CWC27: variants seen among roughly 807,000 people sequenced by gnomAD.
The protein encoded by CWC27 is CWC27 spliceosome associated cyclophilin, also known as spliceosome-associated protein CWC27 homolog.
In CWC27, 47 loss-of-function variants were observed where a neutral mutation model predicts 63.6. The ratio of observed to expected loss-of-function variants is 0.74; its 90% confidence interval spans 0.58 to 0.94. The LOEUF (loss-of-function observed/expected upper bound fraction) is 0.94. CWC27 is among the 40% of genes least tolerant of loss of function. The pLI is 0.00. For synonymous variants in CWC27, 175 were observed against 179.8 expected (o/e 0.97, Z 0.22); for missense variants, 495 against 554.3 (o/e 0.89, Z 1.07).
At chr5:64,813,701 G>A (rs938438651) in intron 10 of CWC27, among the ~76,000 whole-genome samples, 1 of 152,086 alleles carries the variant, frequency 6.6e-6, no homozygotes. Context: ...TCTCTACCCC[G>A]GAACAAATAT....
chr5:64,789,069 C>G, intron 7 of CWC27, 49 bp downstream of exon 7: 3 of 1,275,584 alleles, frequency 2.4e-6, no homozygotes, highest in Non-Finnish European at 3.3e-6. Context: ...AGATTGGGGT[C>G]TATATCTTAC....
intron 11 of CWC27, among the ~76,000 whole-genome samples, chr5:64,959,985 A>G (rs1428053675): frequency 6.6e-6 from 1 of 152,226 alleles, no homozygotes; most frequent in Non-Finnish European, 1.5e-5. Flanking sequence ...GGAAAATTTG[A>G]TTAATTAAGG....
rs1007313345 is a variant in CWC27 at position 64,866,619 on chromosome 5, C to A, written c.939-18824C>A. 2.0e-5 allele frequency among the ~76,000 whole-genome samples: 3 copies of A among 152,062 alleles called. No homozygotes were observed. In the South Asian group the frequency reaches 6.2e-4, roughly 31 times the overall value. On this transcript the variant is annotated intron_variant, in intron 10 of 13. Coordinates refer to ENST00000381070, the MANE Select transcript of CWC27 (RefSeq NM_005869.4). ...TATGTTGGGCTGTCATTTCATTCAA[C>A]TCAGAGTACCTTGATTTCCCCGTGA... is the stretch of plus-strand genomic sequence containing the variant.
rs548735513 is a variant in CWC27, at chr5:64,823,540, C to T, written c.938+19154C>T. 2.4e-4 allele frequency among the ~76,000 whole-genome samples: 36 copies of T among 152,252 alleles called. No homozygotes were observed. The South Asian group carries it at 4.1e-3, about 18-fold the overall frequency. Reference sequence around the variant, plus strand: ...TTCATAAGCATCCTGGTTTTCCCACCTCCTACATCCCTCTGTTGGATACAG... The same window carrying T: ...TTCATAAGCATCCTGGTTTTCCCACTTCCTACATCCCTCTGTTGGATACAG... On this transcript the variant is annotated intron_variant, in intron 10 of 13. Transcript: ENST00000381070.
intron 11 of CWC27, among the ~76,000 whole-genome samples, chr5:64,934,610 A>G (rs1748306870): frequency 6.6e-6 from 1 of 152,200 alleles, no homozygotes; most frequent in Admixed American, 6.5e-5. Context: ...TCTGTTGGGT[A>G]TATACCCAGT....
At chr5:64,995,293 T>G (rs1289004480) in intron 13 of CWC27, among the ~76,000 whole-genome samples, 1 of 152,104 alleles carries the variant, frequency 6.6e-6, no homozygotes, top group Non-Finnish European at 1.5e-5. Context: ...TTATTTTTTG[T>G]TTAAAATATT....
chr5:64,791,119 G>A (rs1744065311), intron 7 of CWC27, among the ~76,000 whole-genome samples: 2 of 152,172 alleles, frequency 1.3e-5, no homozygotes, highest in African/African-American at 4.8e-5. Context: ...AAATCCCACA[G>A]GGTCCTGGAT....
At chr5:64,784,113 T>G in intron 4 of CWC27, 134 bp downstream of exon 4, 4 of 799,698 alleles carry the variant, frequency 5.0e-6, no homozygotes, top group Non-Finnish European at 7.4e-6. Flanking sequence ...TGTTTATTAT[T>G]TTCAAAAATG....
At chr5:64,830,168 C>T (rs1411062112) in intron 10 of CWC27, among the ~76,000 whole-genome samples, 3 of 150,988 alleles carry the variant, frequency 2.0e-5, no homozygotes, top group Non-Finnish European at 4.4e-5. Context: ...AATGCTATCC[C>T]TCCCCCGGCC....
chr5:64,833,871 G>A lies in CWC27; in HGVS notation c.938+29485G>A, dbSNP rs1469723953. Among the ~76,000 whole-genome samples the A allele has an allele frequency of 2.6e-5, 4 of 151,336 alleles. No homozygotes were observed. In the Admixed American group the frequency reaches 2.6e-4, roughly 10 times the overall value. Reference sequence around the variant, plus strand: ...CTCCTGTCTTTCTTGAACATTTGCCGGAACTTCTGATTGAAAGTAAAAGTA... The same window carrying A: ...CTCCTGTCTTTCTTGAACATTTGCCAGAACTTCTGATTGAAAGTAAAAGTA... On this transcript the variant is annotated intron_variant, in intron 10 of 13. Coordinates refer to ENST00000381070, the MANE Select transcript of CWC27 (RefSeq NM_005869.4).
chr5:64,949,032 G>A lies in CWC27; in HGVS notation c.1043-22671G>A, dbSNP rs570464913. ...GACTTAAATGTAGATGTGTCTAAGG[G>A]CATACTGTTTGGGAAGACTTTTTAA... is the stretch of plus-strand genomic sequence containing the variant. On this transcript the variant is annotated intron_variant, in intron 11 of 13. Transcript: ENST00000381070. 1.2e-4 allele frequency among the ~76,000 whole-genome samples: 18 copies of A among 152,030 alleles called. 1 individual carries two copies. In the South Asian group the frequency reaches 3.7e-3, roughly 32 times the overall value.
At chr5:64,957,734 G>C (rs58229559) in intron 11 of CWC27, among the ~76,000 whole-genome samples, 1 of 152,110 alleles carries the variant, frequency 6.6e-6, no homozygotes. Context: ...AATAAAAAAC[G>C]TTATTAGGGA....
At chr5:64,902,273 G>A (rs925424042) in intron 11 of CWC27, among the ~76,000 whole-genome samples, 3 of 152,098 alleles carry the variant, frequency 2.0e-5, no homozygotes, top group Non-Finnish European at 2.9e-5. Context: ...GTTGCTCTAC[G>A]AAATTATCAT....
intron 11 of CWC27, among the ~76,000 whole-genome samples, chr5:64,914,126 C>A (rs1473685840): frequency 1.3e-5 from 2 of 152,104 alleles, no homozygotes; most frequent in Admixed American, 6.5e-5. Flanking sequence ...AAGAAAAATA[C>A]TTGACTTTTA....
intron 10 of CWC27, among the ~76,000 whole-genome samples, chr5:64,869,796 C>T (rs551578595): frequency 2.2e-4 from 33 of 152,018 alleles, no homozygotes; most frequent in African/African-American, 8.0e-4. Context: ...AGCTTTTATA[C>T]CATATTATGT....
chr5:64,955,379 T>G (rs1748785958), intron 11 of CWC27, among the ~76,000 whole-genome samples: 1 of 152,204 alleles, frequency 6.6e-6, no homozygotes. Flanking sequence ...ATGGTAGATT[T>G]GAGATTTTAT....
At chr5:64,872,015 C>T (rs1366983767) in intron 10 of CWC27, among the ~76,000 whole-genome samples, 1 of 152,110 alleles carries the variant, frequency 6.6e-6, no homozygotes. Flanking sequence ...CAACATCATA[C>T]TGTGTTGTTA....
At chr5:64,953,752 T>G (rs1452649090) in intron 11 of CWC27, among the ~76,000 whole-genome samples, 1 of 152,212 alleles carries the variant, frequency 6.6e-6, no homozygotes, top group Non-Finnish European at 1.5e-5. Context: ...GGGACTTTTA[T>G]TTAACAAGTT....
intron 7 of CWC27, among the ~76,000 whole-genome samples, chr5:64,793,125 A>G (rs1183264994): frequency 6.6e-6 from 1 of 152,114 alleles, no homozygotes; most frequent in African/African-American, 2.4e-5. Flanking sequence ...TTTCATTATC[A>G]GCTCAGCCTT....
Sources: gnomAD v4.1 joint callset for allele counts (sites outside exome capture counted in the v4.1 genomes callset) on GRCh38, gnomAD v4.1.1 for gene constraint, MANE v1.5 for transcripts, NCBI Gene and HGNC (gene_info 2026-07-23, HGNC 2026-07-21) for gene names.